Variants in HMCES observed in about 807,000 individuals in gnomAD.
HMCES encodes 5-hydroxymethylcytosine binding, ES cell specific, also known as abasic site processing protein HMCES.
Under a neutral mutation model 35.1 loss-of-function variants are expected in HMCES, and 27 were observed. The ratio of observed to expected loss-of-function variants is 0.77; its 90% confidence interval spans 0.57 to 1.06. The LOEUF is 1.06. HMCES is among the 50% of genes least tolerant of loss of function. The pLI is 0.00. For synonymous variants in HMCES, 130 were observed against 154.7 expected (o/e 0.84, Z 1.18); for missense variants, 391 against 430.4 (o/e 0.91, Z 0.81).
At chr3:129,280,042 TC>T in intron 2 of HMCES, 127 bp downstream of exon 2, 1 of 748,750 alleles carries the variant, frequency 1.3e-6, no homozygotes, top group Non-Finnish European at 2.0e-6. Flanking sequence ...TATTCTGACT[TC>T]CAGTTGAGAA....
At chr3:129,284,986 T>C (rs1300283682) in intron 2 of HMCES, among the ~76,000 whole-genome samples, 2 of 152,222 alleles carry the variant, frequency 1.3e-5, no homozygotes, top group East Asian at 3.8e-4. Context: ...AGCAGCACTA[T>C]GGAGGGATTA....
At chr3:129,296,032 C>G (rs150889358) in intron 4 of HMCES, among the ~76,000 whole-genome samples, 1 of 151,876 alleles carries the variant, frequency 6.6e-6, no homozygotes, top group Non-Finnish European at 1.5e-5. Context: ...TTTTTCTTCT[C>G]TGTTTCAGTT....
rs757758034 is a variant in HMCES at position 129,304,650 on chromosome 3, A to G, written c.890A>G (p.Lys297Arg). 13 of 1,614,090 alleles carry G rather than the reference A, an allele frequency of 8.1e-6. No individual in the cohort carries two copies. Among genetic ancestry groups the G allele is most frequent in the Non-Finnish European group, 1.0e-5 (12 of 1,180,048 alleles). The change falls in exon 7 of 7, where the codon AAA becomes AGA. Residue 297 changes from lysine (K) to arginine (R), a missense_variant. Physicochemically the swap from Lys to Arg is conservative, Grantham distance 26. Coordinates refer to ENST00000383463, the MANE Select transcript of HMCES (RefSeq NM_020187.3). ...CAGTGGTTGGCCACAAAGTCACCCA[A>G]AAAGGAAGACTCAAAAACACCTCAA... Reference protein sequence around the residue: ...MLQWLATKSPKKEDSKTPQKE... With the variant: ...MLQWLATKSPRKEDSKTPQKE...
chr3:129,285,911 G>A (rs1424167991), intron 2 of HMCES, among the ~76,000 whole-genome samples: 4 of 151,992 alleles, frequency 2.6e-5, no homozygotes, highest in African/African-American at 7.3e-5. Context: ...TGTATTTTTA[G>A]GAAAGATGGG....
chr3:129,291,343 T>C (rs1162176200), intron 4 of HMCES, among the ~76,000 whole-genome samples: 1 of 152,254 alleles, frequency 6.6e-6, no homozygotes, highest in Non-Finnish European at 1.5e-5. Context: ...AATATTTTTA[T>C]CACTCTAGAA....
At chr3:129,281,828 A>C (rs2107684512) in intron 2 of HMCES, among the ~76,000 whole-genome samples, 1 of 149,546 alleles carries the variant, frequency 6.7e-6, no homozygotes, top group South Asian at 2.1e-4. Context: ...ACATGATGAA[A>C]CTCTGTCTGT....
In HMCES at chr3:129,290,777, C is replaced by T. The variant is rs762233483; in HGVS notation, c.426C>T (p.Ile142=). Residue 142 remains isoleucine, a synonymous_variant, in exon 4 of 7, where the codon ATC becomes ATT. Transcript: ENST00000383463. ...QGTNQRQPYF[I]YFPQIKTEKS... ...CAAACCAGAGGCAGCCATACTTCATCTATTTTCCTCAAATCAAGACAGAGA... is the reference window on the plus strand; with the variant it reads ...CAAACCAGAGGCAGCCATACTTCATTTATTTTCCTCAAATCAAGACAGAGA... The T allele has an allele frequency of 1.9e-6, 3 of 1,613,390 alleles. No homozygotes were observed. The highest frequency in any genetic ancestry group is 2.2e-5 in the South Asian group (2 of 91,064).
chr3:129,290,189 T>TC (rs2070991756), intron 3 of HMCES, among the ~76,000 whole-genome samples: 1 of 108,930 alleles, frequency 9.2e-6, no homozygotes, highest in Non-Finnish European at 1.7e-5. Flanking sequence ...AGACTCCGTC[T>TC]CAAAAAAAAA....
Position 129,298,510 on chromosome 3 carries a change from A to G in HMCES, c.610A>G (p.Lys204Glu), listed in dbSNP as rs1361189132. ...TACCATCATCACAGTGGATTCCTGCAAAGGCTTGAGTGACATCCACCACAG... is the reference window on the plus strand; with the variant it reads ...TACCATCATCACAGTGGATTCCTGCGAAGGCTTGAGTGACATCCACCACAG... ...SYTIITVDSC[K>E]GLSDIHHRMP... The change falls in exon 5 of 7, where the codon AAA (lysine) becomes GAA (glutamate). Residue 204 changes from lysine to glutamate, a missense_variant. Coordinates refer to ENST00000383463, the MANE Select transcript of HMCES (RefSeq NM_020187.3). 1 of 1,614,002 alleles carries G rather than the reference A, an allele frequency of 6.2e-7. No individual in the cohort carries two copies. Among genetic ancestry groups the G allele is most frequent in the African/African-American group, 1.3e-5 (1 of 74,938 alleles).
intron 3 of HMCES, among the ~76,000 whole-genome samples, chr3:129,290,214 A>T (rs375509587): frequency 2.9e-4 from 44 of 150,698 alleles, no homozygotes; most frequent in Non-Finnish European, 5.9e-4. Context: ...AAAAGAAAAG[A>T]GAGGTACAGA....
chr3:129,302,197 T>G, intron 6 of HMCES, 55 bp downstream of exon 6: 5 of 1,441,808 alleles, frequency 3.5e-6, no homozygotes, highest in South Asian at 2.6e-5. Flanking sequence ...TCTGTCAGTG[T>G]TCTCTTTCTT....
chr3:129,290,554 G>A, intron 3 of HMCES, 125 bp from the exon 4 acceptor site: 1 of 940,590 alleles, frequency 1.1e-6, no homozygotes, highest in Non-Finnish European at 1.6e-6. Flanking sequence ...AAAGTGTTGG[G>A]ATTACAGCCG....
chr3:129,280,848 T>C (rs1940457017), intron 2 of HMCES, among the ~76,000 whole-genome samples: 1 of 152,220 alleles, frequency 6.6e-6, no homozygotes, highest in South Asian at 2.1e-4. Context: ...TGTATGTGTG[T>C]GTAATAAAAA....
rs376858331 is a variant in HMCES, at chr3:129,303,035, T to C, written c.828+893T>C. 2.0e-5 allele frequency among the ~76,000 whole-genome samples: 3 copies of C among 152,150 alleles called. No homozygotes were observed. In the East Asian group the frequency reaches 5.8e-4, roughly 29 times the overall value. ...TTTCCGAACTACAAGTTGCAGGAGC[T>C]CCAGTCCTTAGTCTCCTTCAGGAGG... On this transcript the variant is annotated intron_variant, in intron 6 of 6. Coordinates refer to ENST00000383463, the MANE Select transcript of HMCES (RefSeq NM_020187.3).
chr3:129,288,270 C>G (rs1940692586), intron 2 of HMCES, among the ~76,000 whole-genome samples: 1 of 148,846 alleles, frequency 6.7e-6, no homozygotes, highest in Non-Finnish European at 1.5e-5. Flanking sequence ...GCGAAACTGT[C>G]TCTAAAAAAC....
Position 129,298,504 on chromosome 3 carries a change from TC to T in HMCES, c.606del (p.Cys203AlafsTer4). 3.1e-6 allele frequency: 5 copies of T among 1,614,152 alleles called. No individual in the cohort carries two copies. Among genetic ancestry groups the T allele is most frequent in the Non-Finnish European group, 4.2e-6 (5 of 1,179,994 alleles). The part of the protein sequence containing the change: ...LYSYTIITVD[S>X]CKGLSDIHHR... ...TTCCTATACCATCATCACAGTGGAT[TC>T]CTGCAAAGGCTTGAGTGACATCCAC... On this transcript the variant is annotated frameshift_variant, in exon 5 of 7. Coordinates refer to ENST00000383463, the MANE Select transcript of HMCES (RefSeq NM_020187.3). LOFTEE classifies it high-confidence loss of function.
In HMCES at chr3:129,279,708, A is replaced by AG; in HGVS notation, c.-23dup. ...CTTTTCCTTACGTTTTGTAATTTAA[A>AG]GGTTGCGAGGGGCGGTGTTGAAGAA... On this transcript the variant is annotated splice_acceptor_variant, in intron 1 of 6. Transcript: ENST00000383463. LOFTEE classifies it low-confidence loss of function (5UTR_SPLICE). This position sits in a 1 kb window ranked among gnomAD's most constrained non-coding sequence, Gnocchi z 4.2. 6.2e-7 allele frequency: 1 copy of AG among 1,611,094 alleles called. No homozygotes were observed. The highest frequency in any genetic ancestry group is 8.5e-7 in the Non-Finnish European group (1 of 1,178,868).
intron 5 of HMCES, among the ~76,000 whole-genome samples, chr3:129,300,427 G>A (rs1459605471): frequency 6.6e-6 from 1 of 152,090 alleles, no homozygotes; most frequent in Non-Finnish European, 1.5e-5. Flanking sequence ...GAACAGATTT[G>A]CATTTTAAAC....
rs2071177156 is a variant in HMCES at position 129,302,144 on chromosome 3, T to C, written c.828+2T>C. ...CCTGTCGACTTGGTGGTCAAAAAGG[T>C]AGGGGCCTGTGACTGGTACAGTCCT... On this transcript the variant is annotated splice_donor_variant, in intron 6 of 6. Transcript: ENST00000383463. LOFTEE classifies it high-confidence loss of function. The C allele has an allele frequency of 6.2e-6, 10 of 1,610,040 alleles. No homozygotes were observed. The highest frequency in any genetic ancestry group is 8.5e-6 in the Non-Finnish European group (10 of 1,178,362).
Sources: allele counts gnomAD v4.1 joint callset (sites outside exome capture counted in the v4.1 genomes callset), GRCh38; gene constraint gnomAD v4.1.1; non-coding constraint Gnocchi (gnomAD v3.1); transcripts MANE v1.5; gene names NCBI Gene and HGNC (gene_info 2026-07-23, HGNC 2026-07-21).